IMMP2L: variants seen among roughly 807,000 people sequenced by gnomAD.
IMMP2L encodes mitochondrial inner membrane protease subunit 2.
IMMP2L carries 18 observed loss-of-function variants against 19.3 expected under a neutral mutation model. That is an observed-to-expected ratio of 0.93 (90% CI 0.64 to 1.38). The LOEUF (loss-of-function observed/expected upper bound fraction) is 1.38. IMMP2L is among the 40% of genes most tolerant of loss of function. The pLI is 0.00. For synonymous variants in IMMP2L, 76 were observed against 73.0 expected, an observed-to-expected ratio of 1.04 and a Z score of -0.21; for missense variants, 233 against 218.2, an observed-to-expected ratio of 1.07 and a Z score of -0.43.
Position 111,415,453 on chromosome 7 carries a change from T to C in IMMP2L, c.239+71785A>G, listed in dbSNP as rs547554916. Among the ~76,000 whole-genome samples, 236 of 151,918 alleles carry C rather than the reference T, an allele frequency of 1.6e-3. 4 individuals carry two copies. The Middle Eastern group carries it at 0.017, about 11-fold the overall frequency. On this transcript the variant is annotated intron_variant, in intron 3 of 5. Coordinates refer to ENST00000405709, the MANE Select transcript of IMMP2L (RefSeq NM_032549.4). ...AAGTCTGAGATAATTAATTTATATT[T>C]TTACAAGCCACTAAGTTTGTGGCTT...
chr7:110,894,035 T>C (rs1811077315), intron 4 of IMMP2L, among the ~76,000 whole-genome samples: 1 of 151,976 alleles, frequency 6.6e-6, no homozygotes, highest in African/African-American at 2.4e-5. Context: ...CACCAGGAGG[T>C]AGCCCCAATT....
At chr7:111,265,053 T>C (rs1817689496) in intron 3 of IMMP2L, among the ~76,000 whole-genome samples, 1 of 152,132 alleles carries the variant, frequency 6.6e-6, no homozygotes. Context: ...AATTATCAAC[T>C]TGATGAGCTT....
At chr7:111,201,050 A>G (rs1339624438) in intron 3 of IMMP2L, among the ~76,000 whole-genome samples, 1 of 152,150 alleles carries the variant, frequency 6.6e-6, no homozygotes, top group Admixed American at 6.5e-5. Context: ...TCCTACTCAT[A>G]CAATCCTGAT....
intron 5 of IMMP2L, among the ~76,000 whole-genome samples, chr7:110,822,291 A>G (rs1803102656): frequency 6.6e-6 from 1 of 152,114 alleles, no homozygotes; most frequent in African/African-American, 2.4e-5. Context: ...CTTCATCCCC[A>G]TTGTGCTGCT....
chr7:111,514,717 C>T (rs1845735096), intron 2 of IMMP2L, among the ~76,000 whole-genome samples: 1 of 152,014 alleles, frequency 6.6e-6, no homozygotes, highest in African/African-American at 2.4e-5. Context: ...CTAGAGCCAA[C>T]AATTATGGAT....
intron 3 of IMMP2L, among the ~76,000 whole-genome samples, chr7:111,462,005 TA>T (rs1329307581): frequency 7.9e-5 from 12 of 151,732 alleles, no homozygotes; most frequent in African/African-American, 2.2e-4. Context: ...AACACAGAGA[TA>T]AAAAAAACCT....
At chr7:111,214,331 CTTTT>C (rs1169450523) in intron 3 of IMMP2L, among the ~76,000 whole-genome samples, 297 of 82,142 alleles carry the variant, frequency 3.6e-3, no homozygotes, top group African/African-American at 0.015. Flanking sequence ...AATTTTTCTT[CTTTT>C]TTTTTTTTTT....
At chr7:111,316,725 TA>T (rs991909303) in intron 3 of IMMP2L, among the ~76,000 whole-genome samples, 7 of 151,348 alleles carry the variant, frequency 4.6e-5, no homozygotes, top group African/African-American at 1.5e-4. Context: ...TATGCTTCAG[TA>T]AAAAAATTAT....
chr7:110,742,937 G>A (rs1198646057), intron 5 of IMMP2L, among the ~76,000 whole-genome samples: 1 of 152,028 alleles, frequency 6.6e-6, no homozygotes, highest in Admixed American at 6.6e-5. Context: ...ACATTACGCT[G>A]ATAAATTCCT....
chr7:111,329,888 C>A (rs907914627), intron 3 of IMMP2L, among the ~76,000 whole-genome samples: 2 of 151,486 alleles, frequency 1.3e-5, no homozygotes, highest in African/African-American at 4.8e-5. Flanking sequence ...TAAACAAAAA[C>A]CTAGCATAAA....
intron 3 of IMMP2L, among the ~76,000 whole-genome samples, chr7:111,068,012 C>T (rs1022120545): frequency 1.3e-5 from 2 of 151,864 alleles, no homozygotes; most frequent in African/African-American, 4.8e-5. Context: ...AGTGTGCTAC[C>T]AGGATATTTG....
At chr7:110,948,616 T>C (rs780851482) in intron 4 of IMMP2L, among the ~76,000 whole-genome samples, 1 of 152,232 alleles carries the variant, frequency 6.6e-6, no homozygotes, top group South Asian at 2.1e-4. Flanking sequence ...AAATTTAGTA[T>C]TCTTTTTTGT....
At chr7:110,904,002 G>T (rs1010267764) in intron 4 of IMMP2L, among the ~76,000 whole-genome samples, 1 of 151,652 alleles carries the variant, frequency 6.6e-6, no homozygotes, top group African/African-American at 2.4e-5. Flanking sequence ...TCATGTAAGC[G>T]GTTTGCCATG....
chr7:110,667,089 C>G (rs1407418765), intron 5 of IMMP2L, among the ~76,000 whole-genome samples: 1 of 152,128 alleles, frequency 6.6e-6, no homozygotes, highest in Non-Finnish European at 1.5e-5. Context: ...CCAAGATGGT[C>G]TCGATCTTCT....
chr7:110,966,985 A>G (rs2129556030), intron 3 of IMMP2L, among the ~76,000 whole-genome samples: 1 of 152,212 alleles, frequency 6.6e-6, no homozygotes, highest in South Asian at 2.1e-4. Flanking sequence ...TTACATTTAA[A>G]TTTGTAAGTT....
intron 5 of IMMP2L, among the ~76,000 whole-genome samples, chr7:110,729,928 G>T (rs1796141362): frequency 7.8e-6 from 1 of 128,822 alleles, no homozygotes; most frequent in African/African-American, 2.5e-5. Flanking sequence ...AATAAAAGTT[G>T]ATTTTTTTTT....
At chr7:110,702,584 T>TA (rs1477181568) in intron 5 of IMMP2L, among the ~76,000 whole-genome samples, 2 of 152,138 alleles carry the variant, frequency 1.3e-5, no homozygotes, top group Non-Finnish European at 2.9e-5. Context: ...TTTAGGTCTT[T>TA]AATTTCTTTC....
intron 2 of IMMP2L, among the ~76,000 whole-genome samples, chr7:111,498,161 G>A (rs1843773685): frequency 6.6e-6 from 1 of 151,894 alleles, no homozygotes; most frequent in South Asian, 2.1e-4. Context: ...GCTACAACTA[G>A]ATTGCAAGGT....
chr7:111,460,532 T>C (rs1257344455), intron 3 of IMMP2L, among the ~76,000 whole-genome samples: 1 of 152,126 alleles, frequency 6.6e-6, no homozygotes, highest in Non-Finnish European at 1.5e-5. Context: ...TAATAAATGT[T>C]TTCCTTGTCT....
Sources: gnomAD v4.1 joint callset for allele counts (sites outside exome capture counted in the v4.1 genomes callset) on GRCh38, gnomAD v4.1.1 for gene constraint, MANE v1.5 for transcripts, NCBI Gene and HGNC (gene_info 2026-07-23, HGNC 2026-07-21) for gene names.